Variants in PRKG1 observed in about 807,000 individuals in gnomAD.
PRKG1 encodes protein kinase cGMP-dependent 1, also known as cGMP-dependent protein kinase 1.
In PRKG1, 35 loss-of-function variants were observed where a neutral mutation model predicts 88.1. The observed-to-expected ratio is 0.40, with a 90% CI of 0.30 to 0.53. PRKG1 has a LOEUF of 0.53. Among genes scored for constraint, PRKG1 ranks in the 20% least tolerant of loss-of-function variants. PRKG1 has a pLI of 0.59. For synonymous variants in PRKG1, 303 were observed against 292.5 expected, an observed-to-expected ratio of 1.04 and a Z score of -0.37; for missense variants, 540 against 839.8, an observed-to-expected ratio of 0.64 and a Z score of 4.41.
intron 1 of PRKG1, among the ~76,000 whole-genome samples, chr10:50,998,106 G>A (rs1032336466): frequency 2.6e-5 from 4 of 152,116 alleles, no homozygotes; most frequent in African/African-American, 9.7e-5. Context: ...CCAGTGCTTA[G>A]CCCGGAAAAA....
rs375281027 is a variant in PRKG1, at chr10:52,271,483, T to C, written c.1307T>C (p.Ile436Thr). Reference protein sequence around the residue: ...QIMQGAHSDFIVRLYRTFKDS... With the variant: ...QIMQGAHSDFTVRLYRTFKDS... ...ATGCAGGGGGCTCATTCCGATTTCA[T>C]AGTGAGGTAAAGGCTCCATGCCAGG... Residue 436 changes from isoleucine (I) to threonine (T), a missense_variant, in exon 11 of 18, where the codon ATA becomes ACA. Around this residue, in one of 5 missense-constraint regions of PRKG1, gnomAD observed 400 missense variants for 562.7 expected, o/e 0.71. Coordinates refer to ENST00000373980, the MANE Select transcript of PRKG1 (RefSeq NM_006258.4). 3.7e-6 allele frequency: 6 copies of C among 1,612,300 alleles called. No individual in the cohort carries two copies. Among genetic ancestry groups the C allele is most frequent in the Middle Eastern group, 1.7e-4 (1 of 6,040 alleles).
At chr10:52,273,283 TTTGA>T (rs1327114786) in intron 12 of PRKG1, among the ~76,000 whole-genome samples, 1 of 152,060 alleles carries the variant, frequency 6.6e-6, no homozygotes, top group Non-Finnish European at 1.5e-5. Flanking sequence ...TGAATAATCT[TTTGA>T]TTATTTTCCA....
chr10:51,289,488 C>A (rs1840527586), intron 2 of PRKG1, among the ~76,000 whole-genome samples: 1 of 152,174 alleles, frequency 6.6e-6, no homozygotes, highest in Non-Finnish European at 1.5e-5. Flanking sequence ...GAAGCTACCA[C>A]TTCTCTTCCC....
chr10:52,095,400 C>T (rs867943341), intron 7 of PRKG1, among the ~76,000 whole-genome samples: 44 of 152,228 alleles, frequency 2.9e-4, no homozygotes, highest in African/African-American at 1.1e-3. Flanking sequence ...ATATTGTTTC[C>T]ATAGTACTTA....
At chr10:51,011,615 T>A (rs1227283794) in intron 1 of PRKG1, among the ~76,000 whole-genome samples, 1 of 152,194 alleles carries the variant, frequency 6.6e-6, no homozygotes, top group African/African-American at 2.4e-5. Flanking sequence ...TACATAAACA[T>A]ATCAACATTT....
chr10:51,943,952 G>A (rs936456930), intron 5 of PRKG1, among the ~76,000 whole-genome samples: 8 of 151,994 alleles, frequency 5.3e-5, no homozygotes, highest in East Asian at 3.9e-4. Context: ...TTGGTATCAG[G>A]ATGATGCTGG....
chr10:51,214,547 T>C (rs542409020), intron 2 of PRKG1, among the ~76,000 whole-genome samples: 194 of 152,174 alleles, frequency 1.3e-3, no homozygotes, highest in African/African-American at 4.5e-3. Context: ...AGTGGCATGA[T>C]CACTGCTCAT....
chr10:52,086,517 G>A (rs1846919277), intron 7 of PRKG1, among the ~76,000 whole-genome samples: 1 of 150,168 alleles, frequency 6.7e-6, no homozygotes, highest in Non-Finnish European at 1.5e-5. Flanking sequence ...CAATTTTCCT[G>A]CCTCAGCCTC....
intron 8 of PRKG1, among the ~76,000 whole-genome samples, chr10:52,157,204 T>C (rs1399900524): frequency 3.5e-5 from 5 of 141,752 alleles, no homozygotes; most frequent in Non-Finnish European, 7.7e-5. Context: ...AACTAACTCA[T>C]ACACTGTATA....
At chr10:51,167,515 G>A (rs575861397) in intron 2 of PRKG1, among the ~76,000 whole-genome samples, 62 of 152,140 alleles carry the variant, frequency 4.1e-4, no homozygotes, top group Non-Finnish European at 7.6e-4. Context: ...TATGTTTTAT[G>A]AGTAGAAAAA....
At chr10:51,358,532 A>G (rs118053635) in intron 2 of PRKG1, among the ~76,000 whole-genome samples, 2 of 152,084 alleles carry the variant, frequency 1.3e-5, no homozygotes, top group East Asian at 3.9e-4. Context: ...ACAACTGGCA[A>G]AGGAGAAACT....
chr10:52,259,113 A>C (rs968243386), intron 10 of PRKG1, among the ~76,000 whole-genome samples: 41 of 145,550 alleles, frequency 2.8e-4, no homozygotes, highest in Non-Finnish European at 5.6e-4. Context: ...TAAAAAGATT[A>C]GACTTGCCAA....
At chr10:52,012,145 T>G (rs10762523) in intron 5 of PRKG1, among the ~76,000 whole-genome samples, 75,407 of 151,866 alleles carry the variant, frequency 0.5, 18,888 homozygotes, top group East Asian at 0.59. Context: ...TCTAGTTTAG[T>G]GATATTCTAT....
intron 7 of PRKG1, among the ~76,000 whole-genome samples, chr10:52,107,886 G>A (rs559090858): frequency 7.2e-5 from 11 of 152,264 alleles, no homozygotes; most frequent in African/African-American, 2.4e-4. Context: ...TTAACTTTGT[G>A]AAATAGAGTA....
At chr10:51,772,156 CT>C (rs1173563652) in intron 3 of PRKG1, among the ~76,000 whole-genome samples, 1 of 152,028 alleles carries the variant, frequency 6.6e-6, no homozygotes, top group Non-Finnish European at 1.5e-5. Context: ...AATGAACACT[CT>C]TGTAGACCTG....
chr10:52,182,583 C>A, intron 9 of PRKG1, among the ~76,000 whole-genome samples: 1 of 133,618 alleles, frequency 7.5e-6, no homozygotes, highest in African/African-American at 3.0e-5. Context: ...ACGTTTAAAT[C>A]TTTAATCCAT....
At chr10:51,153,044 G>A (rs1251839068) in intron 1 of PRKG1, 120 bp from the exon 2 acceptor site, 3 of 452,982 alleles carry the variant, frequency 6.6e-6, no homozygotes, top group Non-Finnish European at 9.7e-6. Flanking sequence ...GAAAATTATT[G>A]GATTCCTAAC....
At chr10:52,118,778 T>C (rs1004161440) in intron 7 of PRKG1, among the ~76,000 whole-genome samples, 3 of 152,086 alleles carry the variant, frequency 2.0e-5, no homozygotes, top group Non-Finnish European at 4.4e-5. Flanking sequence ...ATGCACTAAA[T>C]GATAAAGTCA....
chr10:51,604,117 C>T (rs1224826343), intron 3 of PRKG1, among the ~76,000 whole-genome samples: 6 of 149,948 alleles, frequency 4.0e-5, no homozygotes, highest in Non-Finnish European at 7.4e-5. Flanking sequence ...CCTTCTTAAC[C>T]ACCCTCTTCC....
Sources: gnomAD v4.1 joint callset for allele counts (sites outside exome capture counted in the v4.1 genomes callset) on GRCh38, gnomAD v4.1.1 for gene constraint, gnomAD v4.1.1 regional missense constraint, MANE v1.5 for transcripts, NCBI Gene and HGNC (gene_info 2026-07-23, HGNC 2026-07-21) for gene names.